Variants in SVOP observed in about 807,000 individuals in gnomAD.
SVOP encodes SV2 related protein.
SVOP carries 17 observed loss-of-function variants against 69.1 expected under a neutral mutation model. That is an observed-to-expected ratio of 0.25 (90% CI 0.17 to 0.37). SVOP has a LOEUF of 0.37. Ranked by LOEUF, SVOP falls within the 10% of genes least tolerant of loss-of-function variation. The pLI, the probability that SVOP is intolerant of heterozygous loss-of-function variation, is 1.00. For missense variants in SVOP, 435 were observed against 597.5 expected, an observed-to-expected ratio of 0.73 and a Z score of 2.84; for synonymous variants, 238 against 238.6, an observed-to-expected ratio of 1.00 and a Z score of 0.02.
At position 109,003,219 on chromosome 12, in the gene SVOP, A is replaced by G. The variant is rs567122977; in HGVS notation, c.35+17615T>C. ...GGTTTCTTCTGGGGAGGAGAACTGG[A>G]CGGGAATGGGAAGTTTTGAGGGAAG... On this transcript the variant is annotated intron_variant, in intron 1 of 15. Coordinates refer to ENST00000610966, the MANE Select transcript of SVOP (RefSeq NM_018711.5). 3.3e-5 allele frequency among the ~76,000 whole-genome samples: 5 copies of G among 152,240 alleles called. No homozygotes were observed. In the South Asian group the frequency reaches 1.0e-3, roughly 32 times the overall value.
intron 5 of SVOP, among the ~76,000 whole-genome samples, chr12:108,970,159 C>T (rs1277665779): frequency 6.6e-5 from 10 of 152,208 alleles, no homozygotes. Flanking sequence ...AGTCTGCATC[C>T]TCTATGGCAT....
intron 1 of SVOP, among the ~76,000 whole-genome samples, chr12:108,999,365 A>C (rs1268605768): frequency 1.3e-5 from 2 of 151,638 alleles, no homozygotes; most frequent in Admixed American, 6.6e-5. Context: ...TAATAATGGC[A>C]GACTTTAACA....
intron 5 of SVOP, among the ~76,000 whole-genome samples, chr12:108,969,035 C>T (rs1319165157): frequency 6.6e-6 from 1 of 152,066 alleles, no homozygotes; most frequent in African/African-American, 2.4e-5. Context: ...CTCAGGTGAT[C>T]TGTCCTCCCA....
rs2040394410 is a variant in SVOP, at chr12:109,020,906, T to C, written c.-38A>G. 3 of 716,528 alleles carry C rather than the reference T, an allele frequency of 4.2e-6. No individual in the cohort carries two copies. Among genetic ancestry groups the C allele is most frequent in the Non-Finnish European group, 7.8e-6 (3 of 384,258 alleles). 44.4% of individuals were successfully genotyped at this position (716,528 alleles called of 1,614,324 possible). A position where few individuals can be genotyped will look rare whatever the true frequency, so the allele number is the denominator to read the frequency against. On this transcript the variant is annotated 5_prime_UTR_variant, in exon 1 of 16. An upstream open reading frame in the 5' UTR loses its in-frame stop. Coordinates refer to ENST00000610966, the MANE Select transcript of SVOP (RefSeq NM_018711.5). ...CCAGGATGAGCCCTTCTCATGGCCC[T>C]TACATGGTAGTGGTGGATGACGAGC...
intron 5 of SVOP, among the ~76,000 whole-genome samples, chr12:108,966,845 G>A (rs1357914808): frequency 1.3e-5 from 2 of 152,142 alleles, no homozygotes; most frequent in Non-Finnish European, 2.9e-5. Context: ...TCTCCCAGCG[G>A]CCAAGGTCAG....
chr12:108,961,122 C>A (rs1392617269), intron 5 of SVOP, 75 bp from the exon 6 acceptor site: 14 of 1,462,062 alleles, frequency 9.6e-6, no homozygotes, highest in Non-Finnish European at 1.3e-5. Flanking sequence ...CACTGAGAGC[C>A]GCCGATAATG....
chr12:108,951,776 C>G (rs1224144876), intron 6 of SVOP, among the ~76,000 whole-genome samples: 2 of 152,186 alleles, frequency 1.3e-5, no homozygotes, highest in South Asian at 4.1e-4. Context: ...ACCAGACACA[C>G]CTGGATTTGA....
At chr12:108,992,241 T>TA (rs369631785) in intron 1 of SVOP, among the ~76,000 whole-genome samples, 49,719 of 145,582 alleles carry the variant, frequency 0.34, 8,683 homozygotes, top group African/African-American at 0.45. Context: ...ACATCACTGT[T>TA]AAAAAAAAAA....
At chr12:108,968,415 T>C (rs1191034653) in intron 5 of SVOP, among the ~76,000 whole-genome samples, 1 of 152,206 alleles carries the variant, frequency 6.6e-6, no homozygotes, top group Non-Finnish European at 1.5e-5. Context: ...TCTGGCATCC[T>C]CTAATAAATG....
intron 12 of SVOP, among the ~76,000 whole-genome samples, chr12:108,921,670 G>A (rs545282482): frequency 1.3e-5 from 2 of 152,030 alleles, no homozygotes; most frequent in East Asian, 1.9e-4. Flanking sequence ...TAACTCCTTG[G>A]CACTTCCAGC....
intron 6 of SVOP, among the ~76,000 whole-genome samples, chr12:108,951,098 G>T (rs1002585690): frequency 1.3e-5 from 2 of 152,190 alleles, no homozygotes; most frequent in Non-Finnish European, 2.9e-5. Context: ...TGGCATTTTT[G>T]CCTGGTCTTT....
chr12:108,953,162 T>TTTTTTTG, intron 6 of SVOP, among the ~76,000 whole-genome samples: 1 of 147,452 alleles, frequency 6.8e-6, no homozygotes, highest in Non-Finnish European at 1.5e-5. Flanking sequence ...TCTTTTTTTT[T>TTTTTTTG]TTTGAGACAG....
chr12:108,972,884 A>G (rs910771722), intron 4 of SVOP, among the ~76,000 whole-genome samples: 1 of 152,198 alleles, frequency 6.6e-6, no homozygotes, highest in African/African-American at 2.4e-5. Flanking sequence ...GGCATACAGG[A>G]GGCTGGCATG....
In SVOP at chr12:108,912,513, C is replaced by T. The variant is rs752721780; in HGVS notation, c.*22G>A. 107 of 1,613,338 alleles carry T rather than the reference C, an allele frequency of 6.6e-5. No individual in the cohort carries two copies. The highest frequency in any genetic ancestry group is 3.0e-4 in the Admixed American group (18 of 59,982). Reference sequence around the variant, plus strand: ...CCCCAAGCTCTGCAGCCTCAAAGACCAGCTCAGTCCCCCATCGGTCACTAT... The same window carrying T: ...CCCCAAGCTCTGCAGCCTCAAAGACTAGCTCAGTCCCCCATCGGTCACTAT... On this transcript the variant is annotated 3_prime_UTR_variant, in exon 16 of 16. Transcript: ENST00000610966.
rs539214421 is a variant in SVOP, at chr12:108,960,960, C to T, written c.541G>A (p.Gly181Ser). 1 of 1,537,014 alleles carries T rather than the reference C, an allele frequency of 6.5e-7. No homozygotes were observed. The highest frequency in any genetic ancestry group is 2.0e-5 in the Admixed American group (1 of 50,974). ...CCTCCGATCCCGAAGCCCACCAGGCCCCGGAGCACCAGGATCCAGCTATAC... is the reference window on the plus strand; with the variant it reads ...CCTCCGATCCCGAAGCCCACCAGGCTCCGGAGCACCAGGATCCAGCTATAC... ...PVYSWILVLR[G>S]LVGFGIGGVP... The change falls in exon 6 of 16, where the codon GGC becomes AGC. Residue 181 changes from glycine to serine, a missense_variant. Transcript: ENST00000610966.
chr12:108,960,179 C>T (rs553013220), intron 6 of SVOP, among the ~76,000 whole-genome samples: 2 of 152,308 alleles, frequency 1.3e-5, no homozygotes, highest in South Asian at 4.1e-4. Flanking sequence ...TGAAACTACT[C>T]AGTTCTGTTG....
rs1365173278 is a variant in SVOP at position 108,918,314 on chromosome 12, T to A, written c.1269-190A>T. Reference sequence around the variant, plus strand: ...TGACAGTCCTGCTTTTGTAAGTTAATCATTCCTCAAAGTAACAGGCTGAGA... The same window carrying A: ...TGACAGTCCTGCTTTTGTAAGTTAAACATTCCTCAAAGTAACAGGCTGAGA... On this transcript the variant is annotated intron_variant, in intron 13 of 15. Transcript: ENST00000610966. 3.9e-5 allele frequency among the ~76,000 whole-genome samples: 6 copies of A among 152,178 alleles called. No individual in the cohort carries two copies. In the East Asian group the frequency reaches 1.2e-3, roughly 29 times the overall value.
intron 6 of SVOP, among the ~76,000 whole-genome samples, chr12:108,949,545 C>T (rs1305072608): frequency 6.6e-6 from 1 of 152,180 alleles, no homozygotes; most frequent in Non-Finnish European, 1.5e-5. Context: ...GCTGGGATTA[C>T]AGGCATGAGC....
intron 1 of SVOP, among the ~76,000 whole-genome samples, chr12:109,004,530 C>G (rs1338714926): frequency 6.6e-6 from 1 of 151,036 alleles, no homozygotes; most frequent in Non-Finnish European, 1.5e-5. Flanking sequence ...CTCAGCTCCC[C>G]AAGTAGCTGG....
Sources: allele counts gnomAD v4.1 joint callset (sites outside exome capture counted in the v4.1 genomes callset), GRCh38; gene constraint gnomAD v4.1.1; transcripts MANE v1.5; gene names NCBI Gene and HGNC (gene_info 2026-07-23, HGNC 2026-07-21).